The following TSPAN4 variants were observed in gnomAD, a reference collection of about 807,000 sequenced individuals.
TSPAN4 encodes the protein tetraspanin-4.
A neutral mutation model predicts 31.5 loss-of-function variants in TSPAN4; 38 were observed. That is an observed-to-expected ratio of 1.21 (90% CI 0.93 to 1.58). The LOEUF (loss-of-function observed/expected upper bound fraction) is 1.58, where lower values mean the gene tolerates loss of function less well. TSPAN4 is among the 40% of genes most tolerant of loss of function. The pLI is 0.00. For missense variants in TSPAN4, 330 were observed against 317.3 expected (o/e 1.04, Z -0.30); for synonymous variants, 186 against 144.6 (o/e 1.29, Z -2.06).
At chr11:854,843 T>G (rs780443179) in intron 3 of TSPAN4, among the ~76,000 whole-genome samples, 30 of 152,196 alleles carry the variant, frequency 2.0e-4, no homozygotes, top group Admixed American at 3.3e-4. Context: ...CAGCACAGTG[T>G]CCCCAAGGGT....
chr11:851,847 GA>G (rs1590231145), intron 3 of TSPAN4, among the ~76,000 whole-genome samples: 1 of 152,056 alleles, frequency 6.6e-6, no homozygotes, highest in Non-Finnish European at 1.5e-5. Flanking sequence ...CCTGGGAGGG[GA>G]AGCCCTCTCT....
At chr11:853,953 A>G (rs1452260158) in intron 3 of TSPAN4, among the ~76,000 whole-genome samples, 1 of 152,210 alleles carries the variant, frequency 6.6e-6, no homozygotes, top group Admixed American at 6.5e-5. Context: ...GTGCCGACAC[A>G]GACACAGGTT....
Position 842,877 on chromosome 11 carries a change from G to GGCGGGAGCGGGCGGCGCGA in TSPAN4, c.-148_-130dup, listed in dbSNP as rs1381867448. On this transcript the variant is annotated 5_prime_UTR_variant, in exon 1 of 9. Coordinates refer to ENST00000397397, the MANE Select transcript of TSPAN4 (RefSeq NM_003271.5). ...GTGTCCGCTTGACTGACAGCTGCGC[G>GGCGGGAGCGGGCGGCGCGA]GCGGGAGCGGGCGGCGCGAGCGGGA... 277 of 174,292 alleles carry GGCGGGAGCGGGCGGCGCGA rather than the reference G, an allele frequency of 1.6e-3. 2 individuals carry two copies. The highest frequency in any genetic ancestry group is 2.8e-3 in the Non-Finnish European group (234 of 82,386). 10.8% of individuals were successfully genotyped at this position (174,292 alleles called of 1,614,324 possible).
chr11:866,126 G>T (rs1848799925), intron 8 of TSPAN4, 125 bp downstream of exon 8: 5 of 1,039,666 alleles, frequency 4.8e-6, no homozygotes, highest in Non-Finnish European at 7.1e-6. Flanking sequence ...GGCAAAAGCA[G>T]GAGGGCGAGT....
chr11:850,030 T>A, intron 2 of TSPAN4: 1 of 230,008 alleles, frequency 4.3e-6, no homozygotes, highest in Non-Finnish European at 8.4e-6. Flanking sequence ...CCGGGCGCGA[T>A]GCGCCGCTCC....
chr11:865,857 G>A, intron 7 of TSPAN4, 32 bp downstream of exon 7: 2 of 1,612,372 alleles, frequency 1.2e-6, no homozygotes, highest in Non-Finnish European at 1.7e-6. Context: ...GGGGCTGGTA[G>A]GGGCCTAGAG....
chr11:857,863 C>T (rs926693899), intron 3 of TSPAN4: 1 of 152,332 alleles, frequency 6.6e-6, no homozygotes, highest in Admixed American at 6.5e-5. Flanking sequence ...TGGCCATCTC[C>T]TCTCCTGGGG....
chr11:864,020 A>G (rs1217156765), intron 4 of TSPAN4: 1 of 228,270 alleles, frequency 4.4e-6, no homozygotes, highest in Non-Finnish European at 8.8e-6. Context: ...CCCTGCTGGG[A>G]CATCTTCCCA....
chr11:845,296 A>G (rs905972537), intron 1 of TSPAN4, among the ~76,000 whole-genome samples: 1 of 152,124 alleles, frequency 6.6e-6, no homozygotes, highest in Non-Finnish European at 1.5e-5. Context: ...GCACACAGCC[A>G]AGGCCACTGC....
Position 862,885 on chromosome 11 carries a change from G to A in TSPAN4, c.255+144G>A, listed in dbSNP as rs143047290. ...GACCTCCAGGCTGGCAGTGTGGCCC[G>A]GGGCCCTGGCCACTGTTGGGTCTTC... On this transcript the variant is annotated intron_variant, in intron 4 of 8. Coordinates refer to ENST00000397397, the MANE Select transcript of TSPAN4 (RefSeq NM_003271.5). 3,191 of 901,328 alleles carry A rather than the reference G, an allele frequency of 3.5e-3. 97 individuals are homozygous for A. In the African/African-American group the frequency reaches 0.048, roughly 14 times the overall value. The allele number at this position is 901,328 out of a possible 1,614,324, so 55.8% of individuals were successfully genotyped here. A position where few individuals can be genotyped will look rare whatever the true frequency, so the allele number is the denominator to read the frequency against.
intron 3 of TSPAN4, among the ~76,000 whole-genome samples, chr11:852,495 C>T (rs1413928872): frequency 6.6e-6 from 1 of 152,232 alleles, no homozygotes; most frequent in Non-Finnish European, 1.5e-5. Flanking sequence ...TTGGCCCCCC[C>T]CAACCCTGGG....
At chr11:847,627 GCTC>G (rs1037098021) in intron 2 of TSPAN4, among the ~76,000 whole-genome samples, 1 of 28,714 alleles carries the variant, frequency 3.5e-5, no homozygotes, top group Non-Finnish European at 8.2e-5. Flanking sequence ...CCCCAACCCC[GCTC>G]CTCCTGACCC....
At chr11:863,110 C>T (rs1182062116) in intron 4 of TSPAN4, 3 of 176,248 alleles carry the variant, frequency 1.7e-5, no homozygotes, top group Non-Finnish European at 3.5e-5. Flanking sequence ...ACCACCCCAC[C>T]CCCACTGTGG....
In TSPAN4 at chr11:848,926, C is replaced by A; in HGVS notation, c.-17-1362C>A. On this transcript the variant is annotated intron_variant, in intron 2 of 8. Coordinates refer to ENST00000397397, the MANE Select transcript of TSPAN4 (RefSeq NM_003271.5). This position sits in a 1 kb window ranked among gnomAD's most constrained non-coding sequence, Gnocchi z 5.7. ...CCAGGAGTGCAGGCACATCTGCGCA[C>A]GGGGCCGGTATGTCTGTACCTGTCA... is the stretch of plus-strand genomic sequence containing the variant. 6 of 713,662 alleles carry A rather than the reference C, an allele frequency of 8.4e-6. No homozygotes were observed. The highest frequency in any genetic ancestry group is 7.4e-5 in the South Asian group (5 of 67,222). The allele number at this position is 713,662 out of a possible 1,614,324, so 44.2% of individuals were successfully genotyped here.
rs1186069631 is a variant in TSPAN4, at chr11:862,605, G to C, written c.119G>C (p.Ser40Thr). 6.2e-7 allele frequency: 1 copy of C among 1,612,966 alleles called. No homozygotes were observed. The highest frequency in any genetic ancestry group is 2.2e-5 in the East Asian group (1 of 44,876). The change falls in exon 4 of 9, where the codon AGC becomes ACC. Residue 40 changes from serine to threonine, a missense_variant. Coordinates refer to ENST00000397397, the MANE Select transcript of TSPAN4 (RefSeq NM_003271.5). ...VGIWLAATQGSFATLSSSFPS... is the reference protein window; with the variant it reads ...VGIWLAATQGTFATLSSSFPS... Reference sequence around the variant, plus strand: ...ATCTGGCTGGCCGCCACACAGGGGAGCTTCGCCACGCTGTCCTCTTCCTTC... The same window carrying C: ...ATCTGGCTGGCCGCCACACAGGGGACCTTCGCCACGCTGTCCTCTTCCTTC...
At chr11:845,414 C>G (rs894029050) in intron 1 of TSPAN4, among the ~76,000 whole-genome samples, 3 of 152,096 alleles carry the variant, frequency 2.0e-5, no homozygotes, top group African/African-American at 7.2e-5. Context: ...CCTGGGAGAC[C>G]GGCGCTGTGA....
At chr11:850,172 C>T in intron 2 of TSPAN4, 116 bp from the exon 3 acceptor site, 3 of 834,520 alleles carry the variant, frequency 3.6e-6, no homozygotes, top group Non-Finnish European at 5.4e-6. Flanking sequence ...CCGGGGGCTC[C>T]TTCTTCGGCC....
intron 1 of TSPAN4, chr11:844,709 G>GC (rs1310252476): frequency 6.6e-6 from 1 of 151,916 alleles, no homozygotes; most frequent in African/African-American, 2.4e-5. Context: ...TGGCTTCTGG[G>GC]GGGGGGGGTC....
chr11:865,488 C>T (rs998427895), intron 5 of TSPAN4, 25 bp from the exon 6 acceptor site: 5 of 1,595,530 alleles, frequency 3.1e-6, no homozygotes, highest in African/African-American at 1.3e-5. Flanking sequence ...GGGAGGGGCC[C>T]TGCTGACCCC....
Sources: gnomAD v4.1 joint callset for allele counts (sites outside exome capture counted in the v4.1 genomes callset) on GRCh38, gnomAD v4.1.1 for gene constraint, Gnocchi (gnomAD v3.1) non-coding constraint, MANE v1.5 for transcripts, NCBI Gene and HGNC (gene_info 2026-07-23, HGNC 2026-07-21) for gene names.